B3GNT3: variants seen among roughly 807,000 people sequenced by gnomAD.
B3GNT3 encodes N-acetyllactosaminide beta-1,3-N-acetylglucosaminyltransferase 3.
A neutral mutation model predicts 11.6 loss-of-function variants in B3GNT3; 7 were observed. That is an observed-to-expected ratio of 0.60 (90% CI 0.34 to 1.13). The LOEUF (loss-of-function observed/expected upper bound fraction) is 1.13, where lower values mean the gene tolerates loss of function less well. Ranked by LOEUF, B3GNT3 falls within the 50% of genes most tolerant of loss-of-function variation. The pLI is 0.03. For synonymous variants in B3GNT3, 201 were observed against 222.1 expected (o/e 0.90, Z 0.85); for missense variants, 400 against 507.4 (o/e 0.79, Z 2.03).
At chr19:17,805,607 C>A (rs1348577773) in intron 1 of B3GNT3, among the ~76,000 whole-genome samples, 1 of 152,120 alleles carries the variant, frequency 6.6e-6, no homozygotes, top group Non-Finnish European at 1.5e-5. Flanking sequence ...CGCTCTGCCA[C>A]CAGCACCCTA....
chr19:17,808,559 G>A (rs2094176769), intron 2 of B3GNT3, among the ~76,000 whole-genome samples, 185 bp downstream of exon 2: 2 of 152,272 alleles, frequency 1.3e-5, no homozygotes, highest in African/African-American at 2.4e-5. Context: ...AGGCTAGGGG[G>A]AAGGGCAGAG....
chr19:17,806,883 C>T (rs193046985), intron 1 of B3GNT3, among the ~76,000 whole-genome samples: 4 of 139,880 alleles, frequency 2.9e-5, no homozygotes, highest in East Asian at 4.4e-4. Flanking sequence ...ATGCAGGAGG[C>T]GGAGGTTGAA....
At position 17,812,004 on chromosome 19, in the gene B3GNT3, C is replaced by G; in HGVS notation, c.1001C>G (p.Pro334Arg). Reference sequence around the variant, plus strand: ...TCGCAACGCCTGTCCTCCTTTGACCCCTGCTTCTACCGAGACCTGCTGCTG... The same window carrying G: ...TCGCAACGCCTGTCCTCCTTTGACCGCTGCTTCTACCGAGACCTGCTGCTG... ...APSQRLSSFD[P>R]CFYRDLLLVH... Residue 334 changes from proline (P) to arginine (R), a missense_variant, in exon 3 of 3, where the codon CCC becomes CGC. Pro to Arg is a moderately radical substitution (Grantham distance 103). Transcript: ENST00000318683. 6.2e-7 allele frequency: 1 copy of G among 1,601,256 alleles called. No individual in the cohort carries two copies. Among genetic ancestry groups the G allele is most frequent in the Non-Finnish European group, 8.5e-7 (1 of 1,179,954 alleles).
chr19:17,810,663 C>T (rs1452769180), intron 2 of B3GNT3, among the ~76,000 whole-genome samples: 2 of 151,836 alleles, frequency 1.3e-5, no homozygotes, highest in Non-Finnish European at 2.9e-5. Context: ...AGGTGGATCA[C>T]CTGAGGTCAG....
intron 1 of B3GNT3, among the ~76,000 whole-genome samples, chr19:17,803,030 G>T (rs2094168262): frequency 6.7e-6 from 1 of 149,734 alleles, no homozygotes; most frequent in African/African-American, 2.5e-5. Flanking sequence ...TTTTGAGACA[G>T]AATCTGGCTA....
At chr19:17,810,883 C>CAA (rs201153922) in intron 2 of B3GNT3, among the ~76,000 whole-genome samples, 2 of 147,316 alleles carry the variant, frequency 1.4e-5, no homozygotes, top group East Asian at 3.9e-4. Context: ...ACTCCATCTC[C>CAA]AAAAAAATAA....
intron 1 of B3GNT3, among the ~76,000 whole-genome samples, chr19:17,806,975 C>T (rs1009724623): frequency 1.5e-4 from 22 of 146,518 alleles, no homozygotes; most frequent in African/African-American, 5.6e-4. Context: ...GTCCTGGGTT[C>T]TGATACTGCT....
At chr19:17,803,274 G>A (rs773868154) in intron 1 of B3GNT3, among the ~76,000 whole-genome samples, 7 of 152,136 alleles carry the variant, frequency 4.6e-5, no homozygotes, top group African/African-American at 1.4e-4. Context: ...CCAAAGTACC[G>A]GGATTACAGA....
At chr19:17,809,376 C>T (rs939633583) in intron 2 of B3GNT3, among the ~76,000 whole-genome samples, 8 of 151,782 alleles carry the variant, frequency 5.3e-5, no homozygotes, top group African/African-American at 1.5e-4. Flanking sequence ...GAGTTTGAGG[C>T]CAGCCTGAGC....
Position 17,809,113 on chromosome 19 carries a change from C to T in B3GNT3, c.567+739C>T, listed in dbSNP as rs147139034. 5.7e-3 allele frequency among the ~76,000 whole-genome samples: 867 copies of T among 151,902 alleles called. 7 individuals carry two copies. Among genetic ancestry groups the T allele is most frequent in the African/African-American group, 0.02 (837 of 41,436 alleles). ...CCTCCCAAAGTGCTGGGATTACAGG[C>T]GTGAGCCACTGCGCCCGGCCAACAT... On this transcript the variant is annotated intron_variant, in intron 2 of 2. Transcript: ENST00000318683.
At chr19:17,804,674 A>T (rs1439643620) in intron 1 of B3GNT3, among the ~76,000 whole-genome samples, 1 of 149,790 alleles carries the variant, frequency 6.7e-6, no homozygotes, top group African/African-American at 2.5e-5. Flanking sequence ...AGTAGCTGGG[A>T]TTACAGGCAT....
At chr19:17,795,575 T>G (rs1319950088) in intron 1 of B3GNT3, among the ~76,000 whole-genome samples, 2 of 152,190 alleles carry the variant, frequency 1.3e-5, no homozygotes, top group Non-Finnish European at 2.9e-5. Flanking sequence ...GTTGGGAGTA[T>G]CTGGGCAAGC....
At position 17,807,797 on chromosome 19, in the gene B3GNT3, G is replaced by C. The variant is rs2094175080; in HGVS notation, c.-11G>C. 1 of 1,599,372 alleles carries C rather than the reference G, an allele frequency of 6.3e-7. No homozygotes were observed. The highest frequency in any genetic ancestry group is 1.7e-5 in the Admixed American group (1 of 59,470). ...GCTCCTCAGGCCGACCCCAGACCCTGGCTGGCCAGGATGAAGTATCTCCGG... is the reference window on the plus strand; with the variant it reads ...GCTCCTCAGGCCGACCCCAGACCCTCGCTGGCCAGGATGAAGTATCTCCGG... On this transcript the variant is annotated 5_prime_UTR_variant, in exon 2 of 3. Coordinates refer to ENST00000318683, the MANE Select transcript of B3GNT3 (RefSeq NM_014256.4).
At chr19:17,810,596 C>T (rs2094179377) in intron 2 of B3GNT3, among the ~76,000 whole-genome samples, 1 of 151,146 alleles carries the variant, frequency 6.6e-6, no homozygotes, top group African/African-American at 2.4e-5. Context: ...TTAACAATCA[C>T]ACAGGTCAGG....
In B3GNT3 at chr19:17,798,117, C is replaced by G. The variant is rs1245712675; in HGVS notation, c.-51+2911C>G. Among the ~76,000 whole-genome samples, 4 of 152,352 alleles carry G rather than the reference C, an allele frequency of 2.6e-5. No homozygotes were observed. In the East Asian group the frequency reaches 7.7e-4, roughly 29 times the overall value. On this transcript the variant is annotated intron_variant, in intron 1 of 2. Coordinates refer to ENST00000318683, the MANE Select transcript of B3GNT3 (RefSeq NM_014256.4). ...CCTCCACAGGCCAGGGGCTCACACCCTCTCCTGCAAGCGTCCCCAACTTCC... is the reference window on the plus strand; with the variant it reads ...CCTCCACAGGCCAGGGGCTCACACCGTCTCCTGCAAGCGTCCCCAACTTCC...
rs759108564 is a variant in B3GNT3 at position 17,808,256 on chromosome 19, C to A, written c.449C>A (p.Ala150Asp). Reference protein sequence around the residue: ...QLRLLFLVGTASNPHEARKVN... With the variant: ...QLRLLFLVGTDSNPHEARKVN... ...CGCCTCCTCTTCCTGGTGGGCACAGCCTCCAACCCGCACGAGGCCCGCAAG... is the reference window on the plus strand; with the variant it reads ...CGCCTCCTCTTCCTGGTGGGCACAGACTCCAACCCGCACGAGGCCCGCAAG... Residue 150 changes from alanine to aspartate, a missense_variant, in exon 2 of 3, where the codon GCC (alanine) becomes GAC (aspartate). Ala to Asp is a moderately radical substitution (Grantham distance 126). Transcript: ENST00000318683. The A allele has an allele frequency of 6.2e-6, 10 of 1,613,502 alleles. No individual in the cohort carries two copies. The African/African-American group carries it at 1.3e-4, about 22-fold the overall frequency.
Position 17,801,548 on chromosome 19 carries a change from A to G in B3GNT3, c.-50-6210A>G, listed in dbSNP as rs547615413. On this transcript the variant is annotated intron_variant, in intron 1 of 2. Coordinates refer to ENST00000318683, the MANE Select transcript of B3GNT3 (RefSeq NM_014256.4). ...GCCCAGGCTGGAGTGCAGTGGTGCTATCATAGCTCACTGCAGCCTTGAACT... is the reference window on the plus strand; with the variant it reads ...GCCCAGGCTGGAGTGCAGTGGTGCTGTCATAGCTCACTGCAGCCTTGAACT... 5.9e-5 allele frequency among the ~76,000 whole-genome samples: 9 copies of G among 151,466 alleles called. No homozygotes were observed. In the South Asian group the frequency reaches 1.9e-3, roughly 32 times the overall value.
Position 17,807,960 on chromosome 19 carries a change from T to TCCGGGCC in B3GNT3, c.155_156insGGGCCCC (p.Pro53GlyfsTer52). The TCCGGGCC allele has an allele frequency of 1.2e-5, 19 of 1,609,458 alleles. No homozygotes were observed. The highest frequency in any genetic ancestry group is 1.6e-5 in the Non-Finnish European group (19 of 1,178,046). On this transcript the variant is annotated frameshift_variant, in exon 2 of 3. Transcript: ENST00000318683. LOFTEE classifies it high-confidence loss of function. Reference sequence around the variant, plus strand: ...TCCCCGAGGCCCTGGCCTGGCCCACTCCACCCACCCGCCCAGCCCCGGCCC... The same window carrying TCCGGGCC: ...TCCCCGAGGCCCTGGCCTGGCCCACTCCGGGCCCCACCCACCCGCCCAGCCCCGGCCC...
chr19:17,805,430 C>A (rs1173061699), intron 1 of B3GNT3, among the ~76,000 whole-genome samples: 1 of 152,254 alleles, frequency 6.6e-6, no homozygotes, highest in Non-Finnish European at 1.5e-5. Context: ...ATAAATCAAT[C>A]TGATCCCTCC....
Sources: gnomAD v4.1 joint callset for allele counts (sites outside exome capture counted in the v4.1 genomes callset) on GRCh38, gnomAD v4.1.1 for gene constraint, MANE v1.5 for transcripts, NCBI Gene and HGNC (gene_info 2026-07-23, HGNC 2026-07-21) for gene names.